The following CSMD1 variants were observed in gnomAD, a reference collection of about 807,000 sequenced individuals.
CSMD1 encodes the protein CUB and sushi domain-containing protein 1.
CSMD1 carries 213 observed loss-of-function variants against 417.5 expected under a neutral mutation model. That is an observed-to-expected ratio of 0.51 (90% CI 0.46 to 0.57). The LOEUF is 0.57. Ranked by LOEUF, CSMD1 falls within the 20% of genes least tolerant of loss-of-function variation. The probability of loss-of-function intolerance (pLI) is 0.00; values close to 1 mark genes in which losing one functional copy is unlikely to be tolerated. For synonymous variants in CSMD1, 2,862 were observed against 1,736.8 expected (o/e 1.65, Z -16.11); for missense variants, 6,923 against 4,529.7 (o/e 1.53, Z -15.17).
At chr8:4,553,538 AT>A (rs1050466538) in intron 2 of CSMD1, among the ~76,000 whole-genome samples, 2 of 150,198 alleles carry the variant, frequency 1.3e-5, no homozygotes, top group South Asian at 4.2e-4. Flanking sequence ...TCTTTATGTG[AT>A]TTTTTTAGCT....
chr8:3,938,599 C>CCG (rs1810661977), intron 5 of CSMD1, among the ~76,000 whole-genome samples: 2 of 152,168 alleles, frequency 1.3e-5, no homozygotes, highest in Admixed American at 6.5e-5. Flanking sequence ...GGAAATCATG[C>CCG]TGTAGACCCC....
At chr8:3,887,504 G>T (rs961076343) in intron 5 of CSMD1, among the ~76,000 whole-genome samples, 4 of 152,180 alleles carry the variant, frequency 2.6e-5, no homozygotes, top group Admixed American at 2.6e-4. Flanking sequence ...GAACATTAGA[G>T]TTGCCTGTTT....
Position 3,419,926 on chromosome 8 carries a change from CTG to C in CSMD1, c.1562-10323_1562-10322del, listed in dbSNP as rs533065051. Among the ~76,000 whole-genome samples the C allele has an allele frequency of 1.5e-3, 236 of 152,274 alleles. 1 individual carries two copies. Among genetic ancestry groups the C allele is most frequent in the African/African-American group, 5.6e-3 (234 of 41,564 alleles). On this transcript the variant is annotated intron_variant, in intron 12 of 69. Coordinates refer to ENST00000635120, the MANE Select transcript of CSMD1 (RefSeq NM_033225.6). The stretch of plus-strand genomic sequence containing the variant: ...ATGGAATCTCAGCAACATCAATTAT[CTG>C]TGTGACTTCCTGTGAGTTGCTAGAA...
At chr8:4,669,145 C>A (rs960617653) in intron 1 of CSMD1, among the ~76,000 whole-genome samples, 1 of 152,170 alleles carries the variant, frequency 6.6e-6, no homozygotes, top group African/African-American at 2.4e-5. Flanking sequence ...TCCCTATTTC[C>A]TTCTTCGCTT....
intron 3 of CSMD1, among the ~76,000 whole-genome samples, chr8:4,150,111 T>C (rs575053811): frequency 6.6e-6 from 1 of 152,106 alleles, no homozygotes; most frequent in Non-Finnish European, 1.5e-5. Context: ...GGGAGTGTAT[T>C]TTCCACATTG....
At chr8:4,898,109 T>A (rs1300505216) in intron 1 of CSMD1, among the ~76,000 whole-genome samples, 2 of 152,128 alleles carry the variant, frequency 1.3e-5, no homozygotes, top group Non-Finnish European at 2.9e-5. Context: ...AGCAAACGAA[T>A]AAGTAAATAA....
At chr8:3,206,460 TGGG>T (rs755665029) in intron 30 of CSMD1, among the ~76,000 whole-genome samples, 1 of 14,432 alleles carries the variant, frequency 6.9e-5, no homozygotes, top group Non-Finnish European at 1.6e-4. Flanking sequence ...TATGTGTGTG[TGGG>T]GGGGTTATGT....
At chr8:3,782,588 A>G (rs10089132) in intron 5 of CSMD1, among the ~76,000 whole-genome samples, 51,188 of 152,120 alleles carry the variant, frequency 0.34, 10,139 homozygotes, top group Middle Eastern at 0.45. Context: ...TGGCACATGT[A>G]ATCCTATGTA....
chr8:4,023,210 G>T (rs759537294), intron 4 of CSMD1, among the ~76,000 whole-genome samples: 4 of 152,184 alleles, frequency 2.6e-5, no homozygotes. Context: ...GACCTTCAGG[G>T]AAGCCAGATG....
chr8:3,673,468 A>G (rs1016508596), intron 7 of CSMD1, among the ~76,000 whole-genome samples: 2 of 152,224 alleles, frequency 1.3e-5, no homozygotes, highest in South Asian at 4.1e-4. Flanking sequence ...TATGACAAGC[A>G]AGAATGTGTT....
intron 21 of CSMD1, among the ~76,000 whole-genome samples, chr8:3,350,203 T>C: frequency 7.6e-6 from 1 of 132,324 alleles, no homozygotes; most frequent in East Asian, 2.2e-4. Flanking sequence ...TGTATGTGTG[T>C]GTTATAATAC....
chr8:3,238,399 C>G (rs781775733), intron 26 of CSMD1, among the ~76,000 whole-genome samples: 2 of 151,786 alleles, frequency 1.3e-5, no homozygotes, highest in African/African-American at 2.4e-5. Context: ...GGTTCAGAGG[C>G]CTGAAAGTCC....
At chr8:4,212,454 T>C (rs909083031) in intron 3 of CSMD1, among the ~76,000 whole-genome samples, 1 of 152,128 alleles carries the variant, frequency 6.6e-6, no homozygotes. Context: ...ATGAAAAATG[T>C]ACTTAACATT....
In CSMD1 at chr8:4,435,802, C is replaced by G. The variant is rs78822406; in HGVS notation, c.303-15737G>C. Among the ~76,000 whole-genome samples the G allele has an allele frequency of 7.9e-3, 1,202 of 152,314 alleles. 20 individuals carry two copies. Among genetic ancestry groups the G allele is most frequent in the African/African-American group, 0.027 (1,137 of 41,568 alleles). On this transcript the variant is annotated intron_variant, in intron 2 of 69. Coordinates refer to ENST00000635120, the MANE Select transcript of CSMD1 (RefSeq NM_033225.6). ...GCTAAACAAGACAATAGAAGACAGA[C>G]CGTGTCCCGAACACCTTCAGGGCAG...
At chr8:4,615,176 C>T (rs1227481569) in intron 2 of CSMD1, among the ~76,000 whole-genome samples, 2 of 152,248 alleles carry the variant, frequency 1.3e-5, no homozygotes, top group Admixed American at 1.3e-4. Flanking sequence ...TCTATTATCG[C>T]CCTTACACTC....
intron 14 of CSMD1, among the ~76,000 whole-genome samples, chr8:3,406,796 T>C (rs1812368758): frequency 2.0e-5 from 3 of 152,236 alleles, no homozygotes; most frequent in South Asian, 4.1e-4. Context: ...TTATTCCATC[T>C]ACAGTGCATT....
intron 10 of CSMD1, among the ~76,000 whole-genome samples, chr8:3,550,155 G>C (rs1281265923): frequency 6.6e-6 from 1 of 152,120 alleles, no homozygotes; most frequent in African/African-American, 2.4e-5. Flanking sequence ...TCAAAATCTA[G>C]GAGCCATGCT....
At chr8:3,057,476 A>G (rs1274838509) in intron 49 of CSMD1, among the ~76,000 whole-genome samples, 1 of 152,204 alleles carries the variant, frequency 6.6e-6, no homozygotes, top group African/African-American at 2.4e-5. Context: ...GTATATATAT[A>G]TGTATACACA....
rs566221327 is a variant in CSMD1, at chr8:4,578,114, A to G, written c.302+59228T>C. On this transcript the variant is annotated intron_variant, in intron 2 of 69. Transcript: ENST00000635120. ...CTCAGAGCTGCTTCTAGCAATTTTA[A>G]TCTATACTCAAAGTCCCCCACATCT... Among the ~76,000 whole-genome samples the G allele has an allele frequency of 4.4e-4, 67 of 152,230 alleles. No homozygotes were observed. In the Middle Eastern group the frequency reaches 0.017, roughly 39 times the overall value.
Sources: gnomAD v4.1 joint callset for allele counts (sites outside exome capture counted in the v4.1 genomes callset) on GRCh38, gnomAD v4.1.1 for gene constraint, MANE v1.5 for transcripts, NCBI Gene and HGNC (gene_info 2026-07-23, HGNC 2026-07-21) for gene names.